Variants in LUZP2 observed in about 807,000 individuals in gnomAD.
LUZP2 encodes leucine zipper protein 2.
LUZP2 carries 52 observed loss-of-function variants against 51.6 expected under a neutral mutation model. That is an observed-to-expected ratio of 1.01 (90% CI 0.81 to 1.27). The LOEUF (loss-of-function observed/expected upper bound fraction) is 1.27. Among genes scored for constraint, LUZP2 ranks in the 50% most tolerant of loss-of-function variants. The probability of loss-of-function intolerance (pLI) is 0.00; values close to 1 mark genes in which losing one functional copy is unlikely to be tolerated. For missense variants in LUZP2, 436 were observed against 395.4 expected (o/e 1.10, Z -0.87); for synonymous variants, 154 against 137.3 (o/e 1.12, Z -0.85).
chr11:24,847,471 G>C (rs1281884396), intron 5 of LUZP2, among the ~76,000 whole-genome samples: 1 of 152,070 alleles, frequency 6.6e-6, no homozygotes, highest in African/African-American at 2.4e-5. Flanking sequence ...CCGTTCTCAG[G>C]CCATGCCTTC....
intron 5 of LUZP2, among the ~76,000 whole-genome samples, chr11:24,794,856 A>C (rs568084865): frequency 1.3e-5 from 2 of 152,294 alleles, no homozygotes; most frequent in South Asian, 4.1e-4. Flanking sequence ...TAAATATGAC[A>C]TTCAAAATAA....
In LUZP2 at chr11:24,795,503, TCTC is replaced by T. The variant is rs1849522217; in HGVS notation, c.396+32198_396+32200del. Among the ~76,000 whole-genome samples, 4 of 152,248 alleles carry T rather than the reference TCTC, an allele frequency of 2.6e-5. No homozygotes were observed. In the South Asian group the frequency reaches 8.3e-4, roughly 32 times the overall value. On this transcript the variant is annotated intron_variant, in intron 5 of 11. Coordinates refer to ENST00000336930, the MANE Select transcript of LUZP2 (RefSeq NM_001009909.4). Reference sequence around the variant, plus strand: ...TTTCAAGAGTTTTATTACATACAATTCTCCTAATATCCATGCAGAAATTAAGGT... The same window carrying T: ...TTTCAAGAGTTTTATTACATACAATTCTAATATCCATGCAGAAATTAAGGT...
chr11:25,044,576 A>C (rs1212099956), intron 9 of LUZP2, among the ~76,000 whole-genome samples: 1 of 152,094 alleles, frequency 6.6e-6, no homozygotes, highest in Non-Finnish European at 1.5e-5. Context: ...GAAGAAATGC[A>C]TATTTTCTTC....
chr11:24,674,538 T>A (rs1856488229), intron 1 of LUZP2, among the ~76,000 whole-genome samples: 1 of 152,302 alleles, frequency 6.6e-6, no homozygotes, highest in East Asian at 1.9e-4. Flanking sequence ...ATTGCTATGA[T>A]CTTTGTTTTC....
At chr11:24,862,417 A>G (rs1450082220) in intron 5 of LUZP2, among the ~76,000 whole-genome samples, 1 of 152,228 alleles carries the variant, frequency 6.6e-6, no homozygotes, top group African/African-American at 2.4e-5. Flanking sequence ...ATGGAAAGAA[A>G]AAACTGGTAT....
intron 7 of LUZP2, among the ~76,000 whole-genome samples, chr11:24,929,977 GATA>G (rs1565124552): frequency 1.3e-5 from 2 of 152,136 alleles, no homozygotes; most frequent in African/African-American, 2.4e-5. Flanking sequence ...GTTATCATGA[GATA>G]ATGTCTGTCT....
chr11:24,916,329 T>G (rs906906820), intron 7 of LUZP2, among the ~76,000 whole-genome samples: 14 of 151,882 alleles, frequency 9.2e-5, no homozygotes, highest in Non-Finnish European at 2.1e-4. Flanking sequence ...TTATTTTTTA[T>G]TTTTTTTATT....
intron 9 of LUZP2, among the ~76,000 whole-genome samples, chr11:25,029,736 C>CAAA (rs372357127): frequency 8.7e-6 from 1 of 114,518 alleles, no homozygotes; most frequent in Admixed American, 9.3e-5. Flanking sequence ...GACTCTGTCT[C>CAAA]AAAAAAAAAA....
At chr11:24,964,692 G>C (rs79221311) in intron 7 of LUZP2, among the ~76,000 whole-genome samples, 2,540 of 151,958 alleles carry the variant, frequency 0.017, 38 homozygotes, top group South Asian at 0.083. Flanking sequence ...GTAGACAAAG[G>C]CAAAATGGAT....
At chr11:24,618,020 G>A (rs2136481) in intron 1 of LUZP2, among the ~76,000 whole-genome samples, 20,312 of 152,042 alleles carry the variant, frequency 0.13, 1,725 homozygotes, top group East Asian at 0.24. Flanking sequence ...AGTGGAAGAG[G>A]TACCAGTTTC....
At chr11:24,915,297 G>T (rs1192747164) in intron 7 of LUZP2, among the ~76,000 whole-genome samples, 1 of 151,864 alleles carries the variant, frequency 6.6e-6, no homozygotes, top group Non-Finnish European at 1.5e-5. Context: ...GTTTTTCATT[G>T]TCCTCTACAT....
At chr11:24,682,031 A>G (rs1227382292) in intron 1 of LUZP2, among the ~76,000 whole-genome samples, 1 of 152,234 alleles carries the variant, frequency 6.6e-6, no homozygotes, top group Non-Finnish European at 1.5e-5. Flanking sequence ...CCTTATCTAC[A>G]TAACATTTTA....
chr11:24,956,870 G>T (rs544612558), intron 7 of LUZP2, among the ~76,000 whole-genome samples: 50 of 152,180 alleles, frequency 3.3e-4, no homozygotes, highest in African/African-American at 1.1e-3. Context: ...GAGGACTGTG[G>T]TTTTTCCATA....
At chr11:24,946,898 A>G (rs1321229279) in intron 7 of LUZP2, among the ~76,000 whole-genome samples, 2 of 152,004 alleles carry the variant, frequency 1.3e-5, no homozygotes, top group East Asian at 3.8e-4. Context: ...AGTTACATAT[A>G]TATCTATATA....
At position 25,081,029 on chromosome 11, in the gene LUZP2, A is replaced by ATTTTTTTTTTTTTTTTTTT. The variant is rs553696425; in HGVS notation, c.*2374_*2392dup. ...ATCAAGTGGGCTTTGGATCCATATG[A>ATTTTTTTTTTTTTTTTTTT]TTTTTTTTTTTTTTTTTTTTTGAGA... On this transcript the variant is annotated 3_prime_UTR_variant, in exon 12 of 12. Transcript: ENST00000336930. 58 of 100,708 alleles carry ATTTTTTTTTTTTTTTTTTT rather than the reference A, an allele frequency of 5.8e-4. 1 individual carries two copies. The highest frequency in any genetic ancestry group is 2.1e-3 in the African/African-American group (57 of 26,542). 6.2% of individuals were successfully genotyped at this position (100,708 alleles called of 1,614,324 possible). A position where few individuals can be genotyped will look rare whatever the true frequency, so the allele number is the denominator to read the frequency against.
intron 4 of LUZP2, among the ~76,000 whole-genome samples, chr11:24,757,136 A>C (rs1590461895): frequency 1.3e-5 from 2 of 152,180 alleles, no homozygotes; most frequent in East Asian, 3.9e-4. Flanking sequence ...TTGTGTGTAT[A>C]TCATGAAGCT....
At chr11:24,506,592 A>C (rs1032899193) in intron 1 of LUZP2, among the ~76,000 whole-genome samples, 3 of 152,054 alleles carry the variant, frequency 2.0e-5, no homozygotes, top group African/African-American at 7.2e-5. Flanking sequence ...TGTGTTCTCT[A>C]TATGTCTTTA....
At chr11:24,501,419 TCTAA>T (rs1411018032) in intron 1 of LUZP2, among the ~76,000 whole-genome samples, 4 of 152,198 alleles carry the variant, frequency 2.6e-5, no homozygotes, top group Non-Finnish European at 5.9e-5. Context: ...AACTTGACCT[TCTAA>T]CTAAGAAGCA....
At chr11:24,829,956 G>A (rs1038808911) in intron 5 of LUZP2, among the ~76,000 whole-genome samples, 11 of 152,128 alleles carry the variant, frequency 7.2e-5, no homozygotes, top group Admixed American at 2.0e-4. Flanking sequence ...TGTGTTGGTC[G>A]ATCCATGAGA....
Sources: allele counts gnomAD v4.1 joint callset (sites outside exome capture counted in the v4.1 genomes callset), GRCh38; gene constraint gnomAD v4.1.1; transcripts MANE v1.5; gene names NCBI Gene and HGNC (gene_info 2026-07-23, HGNC 2026-07-21).